The following CYTH4 variants were observed in gnomAD, a reference collection of about 807,000 sequenced individuals.
CYTH4 encodes the protein cytohesin 4, also known as cytohesin-4.
A neutral mutation model predicts 57.5 loss-of-function variants in CYTH4; 22 were observed. That is an observed-to-expected ratio of 0.38 (90% CI 0.27 to 0.55). The LOEUF (loss-of-function observed/expected upper bound fraction) is 0.55, where lower values mean the gene tolerates loss of function less well. Ranked by LOEUF, CYTH4 falls within the 20% of genes least tolerant of loss-of-function variation. The probability of loss-of-function intolerance (pLI) is 0.74; values close to 1 mark genes in which losing one functional copy is unlikely to be tolerated. For missense variants in CYTH4, 420 were observed against 535.6 expected, an observed-to-expected ratio of 0.78 and a Z score of 2.13; for synonymous variants, 186 against 206.5, an observed-to-expected ratio of 0.90 and a Z score of 0.85.
In CYTH4 at chr22:37,294,699, G is replaced by T; in HGVS notation, c.142G>T (p.Asp48Tyr). ...DEIADVFAQI[D>Y]CFESAEESRM... ...GATTGCAGATGTGTTTGCCCAAATC[G>T]ACTGCTTCGAGAGTGCGGAGGAGAG... Residue 48 changes from aspartate (D) to tyrosine (Y), a missense_variant, in exon 3 of 13, where the codon GAC becomes TAC. Transcript: ENST00000248901. The T allele has an allele frequency of 3.7e-6, 6 of 1,613,840 alleles. No homozygotes were observed. Among genetic ancestry groups the T allele is most frequent in the Non-Finnish European group, 5.1e-6 (6 of 1,179,844 alleles).
intron 1 of CYTH4, among the ~76,000 whole-genome samples, chr22:37,284,117 C>G (rs144649529): frequency 6.6e-6 from 1 of 152,098 alleles, no homozygotes; most frequent in Non-Finnish European, 1.5e-5. Flanking sequence ...CCAGGTTGGC[C>G]GGGGCTATGG....
At chr22:37,299,571 ATTAC>A (rs146729672) in intron 6 of CYTH4, among the ~76,000 whole-genome samples, 2,274 of 152,286 alleles carry the variant, frequency 0.015, 60 homozygotes, top group African/African-American at 0.052. Context: ...TCTAATCATT[ATTAC>A]TTTATTATGG....
intron 8 of CYTH4, among the ~76,000 whole-genome samples, chr22:37,308,613 T>C (rs934111860): frequency 1.4e-5 from 2 of 139,826 alleles, no homozygotes; most frequent in African/African-American, 4.9e-5. Flanking sequence ...CATGTATGTG[T>C]GCATAAGCAT....
Position 37,311,207 on chromosome 22 carries a change from G to A in CYTH4, c.885+143G>A. 1 of 1,026,072 alleles carries A rather than the reference G, an allele frequency of 9.7e-7. No homozygotes were observed. The highest frequency in any genetic ancestry group is 1.5e-6 in the Non-Finnish European group (1 of 681,550). The allele number at this position is 1,026,072 out of a possible 1,614,324, so 63.6% of individuals were successfully genotyped here. On this transcript the variant is annotated intron_variant, in intron 10 of 12. Transcript: ENST00000248901. This position sits in a 1 kb window ranked among gnomAD's most constrained non-coding sequence, Gnocchi z 4.4. ...CCCCTCCATGCCCATTTTACAGATG[G>A]GGAAAACGGGTACACAGAGGAGGGC...
chr22:37,303,359 G>T lies in CYTH4; in HGVS notation c.653G>T (p.Arg218Leu). The T allele has an allele frequency of 1.2e-6, 2 of 1,614,110 alleles. No individual in the cohort carries two copies. Among genetic ancestry groups the T allele is most frequent in the African/African-American group, 1.3e-5 (1 of 75,060 alleles). Residue 218 changes from arginine to leucine, a missense_variant, in exon 8 of 13, where the codon CGC becomes CTC. Coordinates refer to ENST00000248901, the MANE Select transcript of CYTH4 (RefSeq NM_013385.5). ...TTTGAGCGCTTTGTGTCCATGAACC[G>T]CGGCATCAACAATGGTAGCGACCTG... is the stretch of plus-strand genomic sequence containing the variant. ...PPFERFVSMN[R>L]GINNGSDLPE... is the part of the protein sequence containing the mutation.
At chr22:37,304,340 G>A in intron 8 of CYTH4, 1 of 450,620 alleles carries the variant, frequency 2.2e-6, no homozygotes, top group Non-Finnish European at 4.5e-6. Context: ...AGGGTCCAGG[G>A]CTTCCAATGA....
At chr22:37,297,464 A>T in intron 4 of CYTH4, 100 bp from the exon 5 acceptor site, 1 of 1,036,094 alleles carries the variant, frequency 9.7e-7, no homozygotes, top group Non-Finnish European at 1.5e-6. Flanking sequence ...CCAGAATGCC[A>T]GGCTCCAGGA....
At chr22:37,310,473 A>G (rs1170888698) in intron 9 of CYTH4, among the ~76,000 whole-genome samples, 1 of 152,182 alleles carries the variant, frequency 6.6e-6, no homozygotes, top group African/African-American at 2.4e-5. Context: ...TGGGGTTCGA[A>G]TCCCAGCTCT....
intron 6 of CYTH4, chr22:37,300,120 C>G (rs1929126177): frequency 1.4e-6 from 1 of 717,456 alleles, no homozygotes; most frequent in Non-Finnish European, 2.6e-6. Context: ...ACAGTGAGTG[C>G]TTAGTAAGTC....
In CYTH4 at chr22:37,314,755, G is replaced by T; in HGVS notation, c.*1244G>T. The T allele has an allele frequency of 4.4e-6, 1 of 225,574 alleles. No individual in the cohort carries two copies. The highest frequency in any genetic ancestry group is 8.6e-6 in the Non-Finnish European group (1 of 115,932). The allele number at this position is 225,574 out of a possible 1,614,324, so 14.0% of individuals were successfully genotyped here. On this transcript the variant is annotated 3_prime_UTR_variant, in exon 13 of 13. Transcript: ENST00000248901. ...CACCCCCTCACACAGGCCCAGGGGA[G>T]CCCCTGGAGGGAAATTCCTTGGCAG... is the stretch of plus-strand genomic sequence containing the variant.
intron 1 of CYTH4, among the ~76,000 whole-genome samples, chr22:37,286,336 C>T (rs1928560876): frequency 6.6e-6 from 1 of 152,152 alleles, no homozygotes; most frequent in Non-Finnish European, 1.5e-5. Flanking sequence ...GGACACTTCA[C>T]GTCTCTGAGT....
At chr22:37,299,562 C>G (rs1929107965) in intron 6 of CYTH4, among the ~76,000 whole-genome samples, 2 of 152,002 alleles carry the variant, frequency 1.3e-5, no homozygotes, top group African/African-American at 4.8e-5. Context: ...TTTAATCATT[C>G]TAATCATTAT....
intron 1 of CYTH4, among the ~76,000 whole-genome samples, chr22:37,283,911 C>T (rs55932703): frequency 0.013 from 1,954 of 152,108 alleles, 43 homozygotes; most frequent in African/African-American, 0.04. Context: ...GAGATGCAAC[C>T]CCCCTGCCTG....
intron 2 of CYTH4, among the ~76,000 whole-genome samples, 178 bp from the exon 3 acceptor site, chr22:37,294,482 C>T (rs1928877486): frequency 1.3e-5 from 2 of 151,948 alleles, no homozygotes; most frequent in South Asian, 4.1e-4. Flanking sequence ...ATGAGACATC[C>T]AGGGAGGGGA....
chr22:37,292,609 G>A lies in CYTH4; in HGVS notation c.20-12G>A, dbSNP rs762530718. On this transcript the variant is annotated splice_polypyrimidine_tract_variant and intron_variant, in intron 1 of 12. Transcript: ENST00000248901. ...AGCCAAGTGATGGGGAAGGCCGGTT[G>A]TCTCTCTGTAGAGCCCGCGGAGCTG... is the stretch of plus-strand genomic sequence containing the variant. The A allele has an allele frequency of 8.7e-6, 14 of 1,613,206 alleles. No individual in the cohort carries two copies. Among genetic ancestry groups the A allele is most frequent in the Non-Finnish European group, 1.2e-5 (14 of 1,179,578 alleles).
Position 37,311,353 on chromosome 22 carries a change from G to A in CYTH4, c.886-103G>A. On this transcript the variant is annotated intron_variant, in intron 10 of 12. Transcript: ENST00000248901. The surrounding 1 kb of genome is among the most constrained non-coding windows in gnomAD (Gnocchi z 4.4). ...ATGACTGGACAGTCTCGGAAGATGA[G>A]CACGCTCCTCTTTGAGTTTGGGGAA... 9.6e-7 allele frequency: 1 copy of A among 1,039,552 alleles called. No homozygotes were observed. The highest frequency in any genetic ancestry group is 1.5e-6 in the Non-Finnish European group (1 of 672,874). The allele number at this position is 1,039,552 out of a possible 1,614,324, so 64.4% of individuals were successfully genotyped here.
At chr22:37,282,727 G>A (rs1569102977) in intron 1 of CYTH4, 139 bp downstream of exon 1, 1 of 776,860 alleles carries the variant, frequency 1.3e-6, no homozygotes, top group South Asian at 1.9e-5. Flanking sequence ...AACATTTGTG[G>A]GCTCAGCCTG....
intron 1 of CYTH4, among the ~76,000 whole-genome samples, chr22:37,290,243 G>C (rs1032362086): frequency 6.6e-6 from 1 of 152,154 alleles, no homozygotes; most frequent in African/African-American, 2.4e-5. Context: ...CTTCAGTCTT[G>C]AGCGCTGATG....
At chr22:37,313,383 G>A in intron 12 of CYTH4, 56 bp from the exon 13 acceptor site, 3 of 1,561,262 alleles carry the variant, frequency 1.9e-6, no homozygotes, top group Non-Finnish European at 2.6e-6. Context: ...CCCTGGGAGA[G>A]CAGACCACCT....
Sources: allele counts gnomAD v4.1 joint callset (sites outside exome capture counted in the v4.1 genomes callset), GRCh38; gene constraint gnomAD v4.1.1; non-coding constraint Gnocchi (gnomAD v3.1); transcripts MANE v1.5; gene names NCBI Gene and HGNC (gene_info 2026-07-23, HGNC 2026-07-21).